The following MAP3K15 variants were observed in gnomAD, a reference collection of about 807,000 sequenced individuals.
The protein encoded by MAP3K15 is MAPK/ERK kinase kinase 15.
In MAP3K15, 124 loss-of-function variants were observed where a neutral mutation model predicts 99.5. That is an observed-to-expected ratio of 1.25 (90% CI 1.08 to 1.45). MAP3K15 has a LOEUF of 1.45. MAP3K15 is among the 40% of genes most tolerant of loss of function. MAP3K15 has a pLI of 0.00. For synonymous variants in MAP3K15, 494 were observed against 439.6 expected (o/e 1.12, Z -1.55); for missense variants, 1,242 against 1,079.7 (o/e 1.15, Z -2.11).
chrX:19,426,308 T>C lies in MAP3K15; in HGVS notation c.1202A>G (p.Tyr401Cys). Residue 401 changes from tyrosine to cysteine, a missense_variant, in exon 8 of 29, where the codon TAT (tyrosine) becomes TGT (cysteine). Transcript: ENST00000338883. ...CAAAACTGCAAGATTAATTCCCGAA[T>C]AGAGGGATGACTGGAGTTCAAACCC... is the stretch of plus-strand genomic sequence containing the variant. ...RKGFELQSSL[Y>C]SGINLAVLLI... 8.6e-7 allele frequency: 1 copy of C among 1,164,840 alleles called. No individual in the cohort carries two copies. Among genetic ancestry groups the C allele is most frequent in the Non-Finnish European group, 1.1e-6 (1 of 874,748 alleles).
intron 25 of MAP3K15, among the ~76,000 whole-genome samples, chrX:19,368,621 C>T (rs931804432): frequency 2.7e-5 from 3 of 111,665 alleles, no homozygotes; most frequent in African/African-American, 9.8e-5. Flanking sequence ...TCCTCGGGGT[C>T]GGGATTATGG....
chrX:19,474,512 C>T (rs79150612), intron 3 of MAP3K15, among the ~76,000 whole-genome samples: 23 of 77,143 alleles, frequency 3.0e-4, no homozygotes, highest in Admixed American at 1.3e-3. Flanking sequence ...ACTAGGAGTT[C>T]TAAACCTGAG....
intron 26 of MAP3K15, 46 bp downstream of exon 26, chrX:19,362,692 A>G (rs764908437): frequency 5.3e-6 from 4 of 761,752 alleles, no homozygotes; most frequent in East Asian, 6.4e-5. Context: ...AGCTAACTAG[A>G]ATATTAGCTA....
At chrX:19,387,045 G>A (rs192129121) in intron 18 of MAP3K15, among the ~76,000 whole-genome samples, 2 of 111,959 alleles carry the variant, frequency 1.8e-5, no homozygotes, top group East Asian at 2.8e-4. Flanking sequence ...GAAAAGTAAG[G>A]TACGATTTTC....
Position 19,384,750 on chromosome X carries a change from A to AG in MAP3K15, c.2432-4474_2432-4473insC, listed in dbSNP as rs2063483134. On this transcript the variant is annotated intron_variant, in intron 18 of 28. Transcript: ENST00000338883. Reference sequence around the variant, plus strand: ...TGGGAGTGAGACCTTGTCTCAGGGGAAAAAAAAAAAAAAAAAAAAAAAAAA... The same window carrying AG: ...TGGGAGTGAGACCTTGTCTCAGGGGAGAAAAAAAAAAAAAAAAAAAAAAAAA... Among the ~76,000 whole-genome samples, 3 of 43,837 alleles carry AG rather than the reference A, an allele frequency of 6.8e-5. No individual in the cohort carries two copies. The East Asian group carries it at 1.4e-3, about 20-fold the overall frequency. 38.1% of individuals were successfully genotyped at this position (43,837 alleles called of 115,157 possible).
intron 10 of MAP3K15, among the ~76,000 whole-genome samples, chrX:19,413,719 G>T (rs2147278379): frequency 9.8e-6 from 1 of 101,689 alleles, no homozygotes; most frequent in South Asian, 5.1e-4. Flanking sequence ...AAAAAAAGAG[G>T]TGATAGCCCA....
intron 1 of MAP3K15, among the ~76,000 whole-genome samples, chrX:19,502,175 A>T (rs1278614710): frequency 9.1e-6 from 1 of 109,731 alleles, no homozygotes; most frequent in Non-Finnish European, 1.9e-5. Context: ...TCCCTTGAAG[A>T]ACTTGGATAT....
At chrX:19,447,548 G>A (rs1468568961) in intron 6 of MAP3K15, among the ~76,000 whole-genome samples, 3 of 110,617 alleles carry the variant, frequency 2.7e-5, no homozygotes, top group African/African-American at 9.8e-5. Context: ...TTAGAAGGGG[G>A]TTATACAGGG....
intron 6 of MAP3K15, among the ~76,000 whole-genome samples, chrX:19,432,721 C>CTTTT (rs756639640): frequency 1.0e-5 from 1 of 99,639 alleles, no homozygotes; most frequent in Non-Finnish European, 2.0e-5. Flanking sequence ...TGCCCTTAAC[C>CTTTT]TTTTTTTTTT....
intron 6 of MAP3K15, among the ~76,000 whole-genome samples, chrX:19,456,257 C>A (rs1001328656): frequency 8.9e-6 from 1 of 112,256 alleles, no homozygotes; most frequent in Non-Finnish European, 1.9e-5. Flanking sequence ...AGCAGTAAAA[C>A]AGATGATTGT....
chrX:19,431,441 T>C lies in MAP3K15; in HGVS notation c.1163A>G (p.Glu388Gly). The change falls in exon 7 of 29, where the codon GAG (glutamate) becomes GGG (glycine). Residue 388 changes from glutamate (E) to glycine (G), a missense_variant. Transcript: ENST00000338883. ...ATAACTCGGGCTGAGGGTTTACCAC[T>C]CAATGGCGCTGTCGCGGCTGGTGTC... ...KDDTSRDSAI[E>G]WYRKGFELQS... 1 of 1,199,326 alleles carries C rather than the reference T, an allele frequency of 8.3e-7. No individual in the cohort carries two copies.
At chrX:19,364,789 A>G (rs1294216199) in intron 25 of MAP3K15, among the ~76,000 whole-genome samples, 2 of 106,856 alleles carry the variant, frequency 1.9e-5, no homozygotes, top group Admixed American at 1.0e-4. Context: ...GTTACTTGGG[A>G]GGCTGAGGCA....
rs201902407 is a variant in MAP3K15, at chrX:19,398,259, A to G, written c.2033T>C (p.Ile678Thr). The G allele has an allele frequency of 4.1e-6, 5 of 1,208,952 alleles. No homozygotes were observed. The change falls in exon 15 of 29, where the codon ATA (isoleucine) becomes ACA (threonine). Residue 678 changes from isoleucine (I) to threonine (T), a missense_variant. Ile to Thr is a moderately conservative substitution (Grantham distance 89, BLOSUM62 -1). Transcript: ENST00000338883. ...AGRDLSNQVR[I>T]AIKEIPERDS... ...TCTCTCCGGGATTTCTTTGATGGCT[A>G]TTCGCACTTGATTGCTCAGATCTCG...
In MAP3K15 at chrX:19,362,775, T is replaced by G; in HGVS notation, c.3642A>C (p.Gln1214His). 8.4e-7 allele frequency: 1 copy of G among 1,195,615 alleles called. No individual in the cohort carries two copies. Among genetic ancestry groups the G allele is most frequent in the Non-Finnish European group, 1.1e-6 (1 of 883,155 alleles). ...ATTTTAACTGAAGGTGATACAATTC[T>G]TGAGTTTTCTGTTCTAGAGTTTGCC... Reference protein sequence around the residue: ...LLRQTLEQKTQELYHLQLKLK... With the variant: ...LLRQTLEQKTHELYHLQLKLK... The change falls in exon 26 of 29, where the codon CAA becomes CAC. Residue 1214 changes from glutamine (Q) to histidine (H), a missense_variant. Coordinates refer to ENST00000338883, the MANE Select transcript of MAP3K15 (RefSeq NM_001001671.4).
intron 5 of MAP3K15, among the ~76,000 whole-genome samples, chrX:19,459,257 T>C (rs2064114728): frequency 8.9e-6 from 1 of 112,073 alleles, no homozygotes; most frequent in Non-Finnish European, 1.9e-5. Flanking sequence ...ACTTAACCGC[T>C]CTGTGCCTCA....
At chrX:19,485,480 G>C (rs2064318300) in intron 3 of MAP3K15, among the ~76,000 whole-genome samples, 1 of 110,016 alleles carries the variant, frequency 9.1e-6, no homozygotes, top group Non-Finnish European at 1.9e-5. Flanking sequence ...TTACAGGCCT[G>C]CTTGTAAAAT....
rs1569201895 is a variant in MAP3K15, at chrX:19,373,657, CCT to C, written c.2810_2811del (p.Gln937ArgfsTer23). On this transcript the variant is annotated frameshift_variant, in exon 21 of 29. Transcript: ENST00000338883. LOFTEE classifies it high-confidence loss of function. ...PRGVVLALPT[Q>X]GEPMATSSSE... ...CTGCTGCTGGTGGCCATGGGCTCTC[CCT>C]GTGTGGGCAGGGCCAGGACGACACC... is the stretch of plus-strand genomic sequence containing the variant. 8.3e-7 allele frequency: 1 copy of C among 1,201,270 alleles called. No homozygotes were observed. The highest frequency in any genetic ancestry group is 2.2e-5 in the Admixed American group (1 of 45,414).
At chrX:19,406,313 C>G (rs898568553) in intron 13 of MAP3K15, among the ~76,000 whole-genome samples, 2 of 112,358 alleles carry the variant, frequency 1.8e-5, no homozygotes, top group Admixed American at 1.9e-4. Flanking sequence ...TCAAAAAGTG[C>G]AAACAATCCA....
intron 6 of MAP3K15, among the ~76,000 whole-genome samples, chrX:19,449,958 G>T (rs1351529938): frequency 9.2e-6 from 1 of 109,185 alleles, no homozygotes; most frequent in Non-Finnish European, 1.9e-5. Flanking sequence ...AAATATGGGT[G>T]ATCAAGCTAC....
Sources: allele counts gnomAD v4.1 joint callset (sites outside exome capture counted in the v4.1 genomes callset), GRCh38; gene constraint gnomAD v4.1.1; transcripts MANE v1.5; gene names NCBI Gene and HGNC (gene_info 2026-07-23, HGNC 2026-07-21).